Variants in OSBP2 observed in about 807,000 individuals in gnomAD.
OSBP2 encodes the protein oxysterol-binding protein 2.
OSBP2 carries 66 observed loss-of-function variants against 96.0 expected under a neutral mutation model. That is an observed-to-expected ratio of 0.69 (90% CI 0.56 to 0.84). OSBP2 has a LOEUF of 0.84. Ranked by LOEUF, OSBP2 falls within the 40% of genes least tolerant of loss-of-function variation. The pLI is 0.00. For synonymous variants in OSBP2, 525 were observed against 520.9 expected, an observed-to-expected ratio of 1.01 and a Z score of -0.11; for missense variants, 1,038 against 1,222.7, an observed-to-expected ratio of 0.85 and a Z score of 2.25.
At chr22:30,780,066 A>C (rs73884435) in intron 2 of OSBP2, among the ~76,000 whole-genome samples, 1 of 152,356 alleles carries the variant, frequency 6.6e-6, no homozygotes, top group African/African-American at 2.4e-5. Flanking sequence ...ATCTATTTGT[A>C]GTCAATTCAA....
intron 1 of OSBP2, 51 bp downstream of exon 1, chr22:30,695,604 A>G: frequency 6.4e-7 from 1 of 1,559,624 alleles, no homozygotes; most frequent in Non-Finnish European, 8.6e-7. Flanking sequence ...GTGATGCTGC[A>G]GGGATGGTGA....
At chr22:30,805,884 A>G (rs1163105702) in intron 2 of OSBP2, among the ~76,000 whole-genome samples, 1 of 152,218 alleles carries the variant, frequency 6.6e-6, no homozygotes, top group Non-Finnish European at 1.5e-5. Context: ...GAGTCTGTTC[A>G]GAGAAACCCC....
chr22:30,810,375 G>A (rs574806743), intron 2 of OSBP2, among the ~76,000 whole-genome samples: 4 of 152,296 alleles, frequency 2.6e-5, no homozygotes, highest in African/African-American at 9.6e-5. Flanking sequence ...TGTGTCTTCT[G>A]TGTACACTTG....
intron 2 of OSBP2, among the ~76,000 whole-genome samples, chr22:30,865,816 A>G (rs181435910): frequency 1.3e-5 from 2 of 152,216 alleles, no homozygotes; most frequent in East Asian, 3.9e-4. Flanking sequence ...AAGGACCAGC[A>G]CACTTACCCA....
chr22:30,889,025 G>A, intron 5 of OSBP2, 152 bp from the exon 6 acceptor site: 1 of 622,358 alleles, frequency 1.6e-6, no homozygotes, highest in South Asian at 2.2e-5. Flanking sequence ...TTGAAATGTT[G>A]TTATTGCGGT....
chr22:30,746,236 T>C (rs1017025626), intron 2 of OSBP2, among the ~76,000 whole-genome samples: 1 of 151,962 alleles, frequency 6.6e-6, no homozygotes, highest in African/African-American at 2.4e-5. Flanking sequence ...CTGGGCAACA[T>C]AGTGAGACCC....
chr22:30,907,643 A>T lies in OSBP2; in HGVS notation c.*1304A>T, dbSNP rs886752234. The stretch of plus-strand genomic sequence containing the variant: ...TGTTTTTATATATATAAAAAAAAAA[A>T]GTGAAAACACCAATGTGTGAAATGC... On this transcript the variant is annotated 3_prime_UTR_variant, in exon 14 of 14. Transcript: ENST00000332585. 6.6e-6 allele frequency: 1 copy of T among 152,218 alleles called. No individual in the cohort carries two copies. The highest frequency in any genetic ancestry group is 1.9e-4 in the East Asian group (1 of 5,182). 9.4% of individuals were successfully genotyped at this position (152,218 alleles called of 1,614,324 possible).
At chr22:30,795,518 A>ATTTT (rs136288) in intron 2 of OSBP2, among the ~76,000 whole-genome samples, 9,517 of 122,068 alleles carry the variant, frequency 0.078, 457 homozygotes, top group African/African-American at 0.09. Context: ...TATCCAATGC[A>ATTTT]TTTTTTTTTT....
At chr22:30,884,143 G>A (rs1288267371) in intron 3 of OSBP2, among the ~76,000 whole-genome samples, 1 of 152,174 alleles carries the variant, frequency 6.6e-6, no homozygotes, top group Non-Finnish European at 1.5e-5. Context: ...AAATAGCCCA[G>A]ACCTTCAACA....
intron 2 of OSBP2, among the ~76,000 whole-genome samples, chr22:30,837,554 T>C (rs1186050209): frequency 6.6e-6 from 1 of 152,208 alleles, no homozygotes; most frequent in Non-Finnish European, 1.5e-5. Context: ...TACTTTTCTC[T>C]TGGTGCCTAG....
At chr22:30,826,019 G>T (rs2038396892) in intron 2 of OSBP2, among the ~76,000 whole-genome samples, 1 of 152,246 alleles carries the variant, frequency 6.6e-6, no homozygotes, top group East Asian at 1.9e-4. Flanking sequence ...AGAAAACTTG[G>T]TGGCAACGGT....
Position 30,724,257 on chromosome 22 carries a change from G to A in OSBP2, c.645-16904G>A, listed in dbSNP as rs148631133. ...TTTTGAGACGGAGCCTCACTCTGTC[G>A]CTCAGGCTGGAGTGCAGTGGCTTGA... is the stretch of plus-strand genomic sequence containing the variant. On this transcript the variant is annotated intron_variant, in intron 1 of 13. Coordinates refer to ENST00000332585, the MANE Select transcript of OSBP2 (RefSeq NM_030758.4). Among the ~76,000 whole-genome samples, 9 of 152,032 alleles carry A rather than the reference G, an allele frequency of 5.9e-5. No homozygotes were observed. The East Asian group carries it at 1.5e-3, about 26-fold the overall frequency.
intron 1 of OSBP2, among the ~76,000 whole-genome samples, chr22:30,697,713 T>C (rs1158807115): frequency 6.6e-6 from 1 of 152,208 alleles, no homozygotes; most frequent in Non-Finnish European, 1.5e-5. Context: ...TGTGTGTGCG[T>C]GTACAGTCCA....
At position 30,905,991 on chromosome 22, in the gene OSBP2, C is replaced by T. The variant is rs767700357; in HGVS notation, c.2530C>T (p.Leu844=). 1 of 1,600,210 alleles carries T rather than the reference C, an allele frequency of 6.2e-7. No homozygotes were observed. Among genetic ancestry groups the T allele is most frequent in the Admixed American group, 1.7e-5 (1 of 57,740 alleles). ...CGAGGCCAATACCGAGAAGCAGCGGCTGGAGGAGAAGCAGCGCCTGTCGCG... is the reference window on the plus strand; with the variant it reads ...CGAGGCCAATACCGAGAAGCAGCGGTTGGAGGAGAAGCAGCGCCTGTCGCG... ...WDEANTEKQR[L]EEKQRLSRRR... Residue 844 remains leucine, a synonymous_variant, in exon 13 of 14, where the codon CTG becomes TTG. Coordinates refer to ENST00000332585, the MANE Select transcript of OSBP2 (RefSeq NM_030758.4).
intron 2 of OSBP2, among the ~76,000 whole-genome samples, chr22:30,859,617 G>A (rs2078621608): frequency 6.6e-6 from 1 of 152,206 alleles, no homozygotes; most frequent in South Asian, 2.1e-4. Flanking sequence ...TGAAAAAAGG[G>A]CCTTCCTCCA....
chr22:30,712,670 G>A (rs2089372634), intron 1 of OSBP2, among the ~76,000 whole-genome samples: 1 of 152,150 alleles, frequency 6.6e-6, no homozygotes, highest in African/African-American at 2.4e-5. Flanking sequence ...TTTACAGATG[G>A]GGAAAACAAG....
chr22:30,694,327 G>A (rs569016755), upstream of OSBP2: 1,383 of 1,547,908 alleles, frequency 8.9e-4, 2 homozygotes, highest in Middle Eastern at 8.5e-3. Flanking sequence ...GGCGGCCGCA[G>A]GAGCGACCCA....
In OSBP2 at chr22:30,906,082, G is replaced by A. The variant is rs1035707083; in HGVS notation, c.2608+13G>A. On this transcript the variant is annotated intron_variant, in intron 13 of 13. Transcript: ENST00000332585. ...AGCTCGGAGGAAGGTGAGGCCGGGC[G>A]GGAAGGGCGCCCCGGAGGGGAGGAA... The A allele has an allele frequency of 4.4e-6, 7 of 1,577,928 alleles. No homozygotes were observed. Among genetic ancestry groups the A allele is most frequent in the Non-Finnish European group, 5.2e-6 (6 of 1,163,288 alleles).
intron 12 of OSBP2, among the ~76,000 whole-genome samples, chr22:30,895,559 G>C (rs5753376): frequency 0.55 from 83,604 of 152,004 alleles, 23,380 homozygotes; most frequent in East Asian, 0.75. Flanking sequence ...TTCTAATTTT[G>C]TATCTAGTCA....
Sources: allele counts gnomAD v4.1 joint callset (sites outside exome capture counted in the v4.1 genomes callset), GRCh38; gene constraint gnomAD v4.1.1; transcripts MANE v1.5; gene names NCBI Gene and HGNC (gene_info 2026-07-23, HGNC 2026-07-21).